The following LGSN variants were observed in gnomAD, a reference collection of about 807,000 sequenced individuals.
LGSN encodes the protein lengsin, lens protein with glutamine synthetase domain, also known as lengsin.
Under a neutral mutation model 19.5 loss-of-function variants are expected in LGSN, and 21 were observed. The ratio of observed to expected loss-of-function variants is 1.07; its 90% confidence interval spans 0.76 to 1.55. The LOEUF (loss-of-function observed/expected upper bound fraction) is 1.55. Ranked by LOEUF, LGSN falls within the 40% of genes most tolerant of loss-of-function variation. The probability of loss-of-function intolerance (pLI) is 0.00; values close to 1 mark genes in which losing one functional copy is unlikely to be tolerated. For missense variants in LGSN, 673 were observed against 608.5 expected (o/e 1.11, Z -1.12); for synonymous variants, 257 against 215.6 (o/e 1.19, Z -1.68).
chr6:63,444,776 G>C, the LGSN span, among the ~76,000 whole-genome samples: 1 of 152,138 alleles, frequency 6.6e-6, no homozygotes, highest in Non-Finnish European at 1.5e-5. Flanking sequence ...TCCCTGAGAA[G>C]AATCTGGTTG....
chr6:63,380,490 A>G, the LGSN span, among the ~76,000 whole-genome samples: 1 of 152,194 alleles, frequency 6.6e-6, no homozygotes, highest in Non-Finnish European at 1.5e-5. Context: ...ACAGCGTCAT[A>G]AGCATCACCA....
chr6:63,283,542 A>G (rs746344935), intron 3 of LGSN, among the ~76,000 whole-genome samples: 2 of 151,936 alleles, frequency 1.3e-5, no homozygotes, highest in African/African-American at 2.4e-5. Flanking sequence ...CAGAGATAAT[A>G]TAAGTTGGTT....
intron 1 of LGSN, among the ~76,000 whole-genome samples, chr6:63,310,100 G>C (rs915412451): frequency 6.6e-6 from 1 of 152,058 alleles, no homozygotes; most frequent in Non-Finnish European, 1.5e-5. Context: ...ATCTCCATCT[G>C]TACAAAACTA....
the LGSN span, chr6:63,572,370 G>A: frequency 6.4e-6 from 2 of 310,594 alleles, no homozygotes; most frequent in Non-Finnish European, 5.9e-6. Context: ...GAGGGGGCGG[G>A]CCTCCGCCCC....
the LGSN span, among the ~76,000 whole-genome samples, chr6:63,523,152 C>T: frequency 2.0e-5 from 3 of 152,068 alleles, no homozygotes; most frequent in African/African-American, 7.2e-5. Context: ...AGGCACGAGC[C>T]ATAGTACCCA....
In LGSN at chr6:63,279,626, A is replaced by T. The variant is rs1314120177; in HGVS notation, c.*395T>A. ...ATCATAACCTATGTGTACCATTAAAATTTTTTCTCCTTTTCTTTTTTTTCT... is the reference window on the plus strand; with the variant it reads ...ATCATAACCTATGTGTACCATTAAATTTTTTTCTCCTTTTCTTTTTTTTCT... On this transcript the variant is annotated 3_prime_UTR_variant, in exon 4 of 4. Transcript: ENST00000370657. 1 of 159,866 alleles carries T rather than the reference A, an allele frequency of 6.3e-6. No individual in the cohort carries two copies. The highest frequency in any genetic ancestry group is 1.4e-5 in the Non-Finnish European group (1 of 73,410). The allele number at this position is 159,866 out of a possible 1,614,324, so 9.9% of individuals were successfully genotyped here.
the LGSN span, among the ~76,000 whole-genome samples, chr6:63,555,918 T>G: frequency 2.0e-5 from 3 of 152,218 alleles, no homozygotes; most frequent in African/African-American, 7.2e-5. Context: ...GGCGAACTCC[T>G]GGCCTCAAGT....
the LGSN span, among the ~76,000 whole-genome samples, chr6:63,371,557 A>G: frequency 6.6e-6 from 1 of 152,232 alleles, no homozygotes; most frequent in Admixed American, 6.5e-5. Context: ...TTTCTGCTGT[A>G]CCTCTGGAGA....
the LGSN span, among the ~76,000 whole-genome samples, chr6:63,435,110 C>G: frequency 6.6e-6 from 1 of 152,152 alleles, no homozygotes; most frequent in Non-Finnish European, 1.5e-5. Flanking sequence ...CCTGACCCAC[C>G]ACGGAGATGC....
At chr6:63,567,174 T>C in the LGSN span, among the ~76,000 whole-genome samples, 4 of 152,270 alleles carry the variant, frequency 2.6e-5, no homozygotes, top group Admixed American at 1.3e-4. Flanking sequence ...CTGTTCATGC[T>C]GATACTTTTA....
the LGSN span, among the ~76,000 whole-genome samples, chr6:63,454,475 T>TC: frequency 6.8e-6 from 1 of 146,134 alleles, no homozygotes; most frequent in Non-Finnish European, 1.5e-5. Flanking sequence ...ATTTTCTTTT[T>TC]TTTTTTTTTT....
chr6:63,527,501 T>C, the LGSN span, among the ~76,000 whole-genome samples: 3 of 152,286 alleles, frequency 2.0e-5, no homozygotes, highest in African/African-American at 7.2e-5. Context: ...ATGTAGAGGG[T>C]ATAAATAATA....
the LGSN span, among the ~76,000 whole-genome samples, chr6:63,336,008 C>T: frequency 6.6e-6 from 1 of 151,330 alleles, no homozygotes; most frequent in African/African-American, 2.5e-5. Flanking sequence ...TATTCTCACT[C>T]ATATGTGGGA....
At chr6:63,539,184 G>A in the LGSN span, among the ~76,000 whole-genome samples, 5 of 152,054 alleles carry the variant, frequency 3.3e-5, no homozygotes, top group Non-Finnish European at 4.4e-5. Flanking sequence ...ATGAGCCACC[G>A]TGCCTGGCCT....
chr6:63,498,430 A>G, the LGSN span, among the ~76,000 whole-genome samples: 2 of 152,034 alleles, frequency 1.3e-5, no homozygotes, highest in Non-Finnish European at 1.5e-5. Flanking sequence ...GTCATTTGTA[A>G]CAGAGCACTC....
chr6:63,360,815 G>A, the LGSN span, among the ~76,000 whole-genome samples: 1 of 152,172 alleles, frequency 6.6e-6, no homozygotes, highest in South Asian at 2.1e-4. Flanking sequence ...CGATGATGGT[G>A]ATGTACAGAT....
At chr6:63,306,739 G>T (rs1562015926) in intron 1 of LGSN, among the ~76,000 whole-genome samples, 1 of 152,168 alleles carries the variant, frequency 6.6e-6, no homozygotes. Context: ...GCTGGAGGGC[G>T]AACGCAGTAG....
the LGSN span, among the ~76,000 whole-genome samples, chr6:63,365,827 A>G: frequency 1.3e-5 from 2 of 152,204 alleles, no homozygotes; most frequent in Admixed American, 6.5e-5. Context: ...ACAGAACCAA[A>G]GGAAAAAAAA....
At chr6:63,420,202 C>CA in the LGSN span, among the ~76,000 whole-genome samples, 3,801 of 106,368 alleles carry the variant, frequency 0.036, 105 homozygotes, top group African/African-American at 0.095. Flanking sequence ...GACTGCGTCT[C>CA]AAAAAAAAAA....
Sources: gnomAD v4.1 joint callset for allele counts (sites outside exome capture counted in the v4.1 genomes callset) on GRCh38, gnomAD v4.1.1 for gene constraint, MANE v1.5 for transcripts, NCBI Gene and HGNC (gene_info 2026-07-23, HGNC 2026-07-21) for gene names.